Variants in CCDC7 observed in about 807,000 individuals in gnomAD.
CCDC7 encodes coiled-coil domain-containing protein 7.
Under a neutral mutation model 196.9 loss-of-function variants are expected in CCDC7, and 183 were observed. The observed-to-expected ratio is 0.93, with a 90% CI of 0.82 to 1.05. The LOEUF (loss-of-function observed/expected upper bound fraction) is 1.05. Among genes scored for constraint, CCDC7 ranks in the 50% least tolerant of loss-of-function variants. The probability of loss-of-function intolerance (pLI) is 0.00; values close to 1 mark genes in which losing one functional copy is unlikely to be tolerated. For missense variants in CCDC7, 1,540 were observed against 1,482.2 expected, an observed-to-expected ratio of 1.04 and a Z score of -0.64; for synonymous variants, 525 against 484.6, an observed-to-expected ratio of 1.08 and a Z score of -1.10.
chr10:32,649,125 A>G (rs2068275173), intron 20 of CCDC7, among the ~76,000 whole-genome samples: 1 of 152,136 alleles, frequency 6.6e-6, no homozygotes, highest in African/African-American at 2.4e-5. Flanking sequence ...ACATGGATAC[A>G]TGGGGGGATC....
intron 8 of CCDC7, among the ~76,000 whole-genome samples, chr10:32,490,539 G>A (rs1249175688): frequency 6.6e-6 from 1 of 152,194 alleles, no homozygotes; most frequent in Non-Finnish European, 1.5e-5. Flanking sequence ...GCTCACGCCT[G>A]TAATCCCAGC....
intron 11 of CCDC7, among the ~76,000 whole-genome samples, chr10:32,535,350 G>T (rs1193117177): frequency 3.3e-5 from 5 of 152,130 alleles, no homozygotes; most frequent in African/African-American, 1.2e-4. Context: ...ATTTAAAGAA[G>T]TTTACCCTGA....
intron 18 of CCDC7, among the ~76,000 whole-genome samples, chr10:32,602,562 T>C (rs1220318597): frequency 1.3e-5 from 2 of 152,212 alleles, no homozygotes; most frequent in Non-Finnish European, 2.9e-5. Flanking sequence ...TCTATTTTGA[T>C]ATTAATTTTT....
chr10:32,569,202 G>A (rs2057261502), intron 15 of CCDC7, among the ~76,000 whole-genome samples: 1 of 152,138 alleles, frequency 6.6e-6, no homozygotes, highest in South Asian at 2.1e-4. Flanking sequence ...CAAAGATGAT[G>A]TATATAATGT....
At chr10:32,764,665 C>T (rs929254901) in intron 28 of CCDC7, among the ~76,000 whole-genome samples, 7 of 151,984 alleles carry the variant, frequency 4.6e-5, no homozygotes, top group African/African-American at 1.7e-4. Context: ...GATCTGCTCA[C>T]CCATCTTAGG....
chr10:32,559,364 GCCT>G (rs781724093), intron 13 of CCDC7, among the ~76,000 whole-genome samples: 114 of 152,378 alleles, frequency 7.5e-4, no homozygotes, highest in Non-Finnish European at 1.2e-3. Context: ...CGGACAGACT[GCCT>G]CCTCAAGTGG....
intron 33 of CCDC7, among the ~76,000 whole-genome samples, chr10:32,838,882 T>C (rs910116820): frequency 1.3e-5 from 2 of 151,894 alleles, no homozygotes; most frequent in Admixed American, 6.6e-5. Context: ...TCCAGTGAAA[T>C]TGAGCTTCAT....
intron 41 of CCDC7, among the ~76,000 whole-genome samples, chr10:32,872,657 GT>G (rs1256445474): frequency 1.3e-5 from 2 of 151,926 alleles, no homozygotes; most frequent in African/African-American, 2.4e-5. Flanking sequence ...AATTTGGCAT[GT>G]TTTTGCAGTG....
At chr10:32,566,302 G>A (rs2056778826) in intron 14 of CCDC7, among the ~76,000 whole-genome samples, 1 of 152,032 alleles carries the variant, frequency 6.6e-6, no homozygotes, top group African/African-American at 2.4e-5. Context: ...AAAAGACATA[G>A]CAAAATTGGA....
In CCDC7 at chr10:32,873,964, C is replaced by CAT. The variant is rs1020170849; in HGVS notation, c.4112-2374_4112-2373dup. 4.0e-5 allele frequency among the ~76,000 whole-genome samples: 6 copies of CAT among 151,514 alleles called. No homozygotes were observed. The East Asian group carries it at 1.2e-3, about 29-fold the overall frequency. The stretch of plus-strand genomic sequence containing the variant: ...TGATATTTTAAAATGAGAAATAATG[C>CAT]ATATATATATGGTTAAAATGCAAAT... On this transcript the variant is annotated intron_variant, in intron 41 of 41. Transcript: ENST00000639629.
At chr10:32,664,248 C>T (rs957470423) in intron 21 of CCDC7, 87 bp downstream of exon 22, 1 of 375,908 alleles carries the variant, frequency 2.7e-6, no homozygotes, top group African/African-American at 2.1e-5. Context: ...TCATCATGTA[C>T]TACATAGTGT....
intron 21 of CCDC7, among the ~76,000 whole-genome samples, chr10:32,669,680 G>T (rs1346302826): frequency 1.3e-5 from 2 of 152,048 alleles, no homozygotes; most frequent in Non-Finnish European, 2.9e-5. Flanking sequence ...GTTATTCATA[G>T]TAGTCTCTCA....
At chr10:32,748,548 A>G (rs758549756) in intron 28 of CCDC7, among the ~76,000 whole-genome samples, 4 of 152,120 alleles carry the variant, frequency 2.6e-5, no homozygotes, top group Non-Finnish European at 5.9e-5. Flanking sequence ...GACATGATAT[A>G]CTAGGAAAAG....
At chr10:32,447,458 G>A (rs950747716), upstream of CCDC7, among the ~76,000 whole-genome samples, 1 of 152,108 alleles carries the variant, frequency 6.6e-6, no homozygotes, top group East Asian at 1.9e-4. Context: ...TGGACCTGAA[G>A]GTTTTGATGG....
At chr10:32,498,392 A>G (rs748756612) in intron 9 of CCDC7, among the ~76,000 whole-genome samples, 2 of 152,098 alleles carry the variant, frequency 1.3e-5, no homozygotes, top group Non-Finnish European at 2.9e-5. Context: ...TTTAAGGTTA[A>G]TATTGATCTG....
chr10:32,637,171 C>A (rs1317203447), intron 20 of CCDC7, among the ~76,000 whole-genome samples: 1 of 152,112 alleles, frequency 6.6e-6, no homozygotes, highest in African/African-American at 2.4e-5. Context: ...TTCTCCCATT[C>A]TGTAGGCTGC....
chr10:32,868,232 GTACAAATA>G (rs2094281067), intron 41 of CCDC7, among the ~76,000 whole-genome samples: 1 of 151,930 alleles, frequency 6.6e-6, no homozygotes, highest in East Asian at 1.9e-4. Context: ...AAAAACGGGT[GTACAAATA>G]TTTGTTCCTG....
intron 16 of CCDC7, among the ~76,000 whole-genome samples, chr10:32,579,254 A>G (rs2058516354): frequency 6.6e-6 from 1 of 152,012 alleles, no homozygotes; most frequent in Non-Finnish European, 1.5e-5. Context: ...TTTCTTAACC[A>G]AACAGACTAG....
chr10:32,881,611 G>A (rs1363925745), downstream of CCDC7, among the ~76,000 whole-genome samples: 2 of 152,088 alleles, frequency 1.3e-5, no homozygotes, highest in Non-Finnish European at 2.9e-5. Context: ...ACTCAGAAAA[G>A]GCCTTTTGAT....
Sources: allele counts gnomAD v4.1 joint callset (sites outside exome capture counted in the v4.1 genomes callset), GRCh38; gene constraint gnomAD v4.1.1; transcripts MANE v1.5; gene names NCBI Gene and HGNC (gene_info 2026-07-23, HGNC 2026-07-21).